The following HIKESHI variants were observed in gnomAD, a reference collection of about 807,000 sequenced individuals.
The protein encoded by HIKESHI is heat shock protein nuclear import factor hikeshi.
Under a neutral mutation model 25.7 loss-of-function variants are expected in HIKESHI, and 13 were observed. The ratio of observed to expected loss-of-function variants is 0.51; its 90% CI spans 0.33 to 0.80. The LOEUF (loss-of-function observed/expected upper bound fraction) is 0.80, where lower values mean the gene tolerates loss of function less well. HIKESHI is among the 30% of genes least tolerant of loss of function. The pLI, the probability that HIKESHI is intolerant of heterozygous loss-of-function variation, is 0.02. For missense variants in HIKESHI, 174 were observed against 229.5 expected (o/e 0.76, Z 1.56); for synonymous variants, 76 against 78.7 (o/e 0.97, Z 0.18).
At chr11:86,308,201 T>TAC (rs1201720163) in intron 2 of HIKESHI, among the ~76,000 whole-genome samples, 5 of 105,758 alleles carry the variant, frequency 4.7e-5, no homozygotes, top group South Asian at 3.0e-4. Flanking sequence ...AAATATATAT[T>TAC]ATATATAAAA....
At chr11:86,330,647 C>T (rs934494782) in intron 2 of HIKESHI, among the ~76,000 whole-genome samples, 1 of 152,184 alleles carries the variant, frequency 6.6e-6, no homozygotes, top group African/African-American at 2.4e-5. Context: ...CTACCTAAGT[C>T]TCCTCAGTGA....
chr11:86,336,643 T>C (rs1005359299), intron 2 of HIKESHI, among the ~76,000 whole-genome samples: 4 of 152,252 alleles, frequency 2.6e-5, no homozygotes, highest in Non-Finnish European at 5.9e-5. Flanking sequence ...TATGGTGTTT[T>C]GTTATAGCAG....
intron 2 of HIKESHI, among the ~76,000 whole-genome samples, chr11:86,317,673 G>A (rs563787521): frequency 3.2e-4 from 49 of 152,150 alleles, no homozygotes; most frequent in African/African-American, 1.1e-3. Context: ...TGGTGTGGTG[G>A]TGCGCGCCTG....
chr11:86,310,376 T>C (rs1284226039), intron 2 of HIKESHI, among the ~76,000 whole-genome samples: 1 of 152,180 alleles, frequency 6.6e-6, no homozygotes, highest in Non-Finnish European at 1.5e-5. Context: ...TTGTCTGTTA[T>C]TGGTGTGTAA....
At chr11:86,317,962 A>G (rs1335663894) in intron 2 of HIKESHI, among the ~76,000 whole-genome samples, 1 of 152,154 alleles carries the variant, frequency 6.6e-6, no homozygotes, top group Non-Finnish European at 1.5e-5. Context: ...GCTATTTTCT[A>G]GAAGAATATA....
At chr11:86,331,463 T>A (rs955698646) in intron 2 of HIKESHI, among the ~76,000 whole-genome samples, 3 of 152,184 alleles carry the variant, frequency 2.0e-5, no homozygotes, top group African/African-American at 7.2e-5. Flanking sequence ...CACTCCAGCC[T>A]GGACAACAAA....
chr11:86,308,371 GTGTATTA>G (rs1946737428), intron 2 of HIKESHI, among the ~76,000 whole-genome samples: 3 of 126,996 alleles, frequency 2.4e-5, no homozygotes, highest in African/African-American at 8.8e-5. Context: ...CATATAAAAT[GTGTATTA>G]TATATAAAAA....
chr11:86,321,125 A>C (rs1947136842), intron 2 of HIKESHI, among the ~76,000 whole-genome samples: 1 of 151,878 alleles, frequency 6.6e-6, no homozygotes, highest in African/African-American at 2.4e-5. Flanking sequence ...AGTAGAGACG[A>C]GGTTTCACCA....
At chr11:86,310,494 A>AATC (rs1470798831) in intron 2 of HIKESHI, among the ~76,000 whole-genome samples, 1 of 151,254 alleles carries the variant, frequency 6.6e-6, no homozygotes, top group Admixed American at 6.6e-5. Context: ...CTAAATACAC[A>AATC]ATGTCATCTG....
At chr11:86,314,704 T>C (rs1161532053) in intron 2 of HIKESHI, among the ~76,000 whole-genome samples, 3 of 152,182 alleles carry the variant, frequency 2.0e-5, no homozygotes, top group Non-Finnish European at 4.4e-5. Flanking sequence ...TGATAAATAC[T>C]AATCTCTAAT....
intron 2 of HIKESHI, among the ~76,000 whole-genome samples, chr11:86,311,194 C>A (rs1946824686): frequency 6.6e-6 from 1 of 152,054 alleles, no homozygotes; most frequent in Admixed American, 6.6e-5. Context: ...TGGTCCTGGA[C>A]TTTTTTTGCT....
intron 2 of HIKESHI, among the ~76,000 whole-genome samples, chr11:86,314,094 A>G (rs957358136): frequency 6.6e-6 from 1 of 152,224 alleles, no homozygotes; most frequent in Non-Finnish European, 1.5e-5. Flanking sequence ...TATGTGTACC[A>G]TAATGTAAAT....
chr11:86,312,894 C>T (rs1946870109), intron 2 of HIKESHI, among the ~76,000 whole-genome samples: 1 of 152,196 alleles, frequency 6.6e-6, no homozygotes, highest in African/African-American at 2.4e-5. Context: ...CCCCCACTCT[C>T]TTCTGGCCTG....
intron 2 of HIKESHI, among the ~76,000 whole-genome samples, chr11:86,334,519 C>T (rs1423190385): frequency 1.3e-5 from 2 of 152,032 alleles, no homozygotes; most frequent in Non-Finnish European, 2.9e-5. Context: ...AAGACTAGGT[C>T]ATATATTTTG....
chr11:86,334,236 ATGTGTG>A lies in HIKESHI; in HGVS notation c.269-3111_269-3106del, dbSNP rs60951435. The stretch of plus-strand genomic sequence containing the variant: ...TTCTTCTCAACATTCTTTGTAAAAT[ATGTGTG>A]TGTGTGTGTGTGTGTGTGTGTGTGT... On this transcript the variant is annotated intron_variant, in intron 2 of 4. Coordinates refer to ENST00000278483, the MANE Select transcript of HIKESHI (RefSeq NM_016401.4). Among the ~76,000 whole-genome samples the A allele has an allele frequency of 2.9e-3, 431 of 147,108 alleles. 1 individual carries two copies. Among genetic ancestry groups the A allele is most frequent in the African/African-American group, 7.9e-3 (319 of 40,390 alleles).
chr11:86,319,054 CT>C (rs1947074480), intron 2 of HIKESHI, among the ~76,000 whole-genome samples: 1 of 151,018 alleles, frequency 6.6e-6, no homozygotes, highest in Admixed American at 6.6e-5. Context: ...GTAGCTAGGA[CT>C]ACAGGTATGC....
At chr11:86,325,700 C>T (rs1947261760) in intron 2 of HIKESHI, among the ~76,000 whole-genome samples, 1 of 151,024 alleles carries the variant, frequency 6.6e-6, no homozygotes, top group South Asian at 2.1e-4. Flanking sequence ...GGTGAAACGC[C>T]ATCTCTACTA....
chr11:86,314,184 C>A (rs1443684019), intron 2 of HIKESHI, among the ~76,000 whole-genome samples: 7 of 152,064 alleles, frequency 4.6e-5, no homozygotes, highest in Admixed American at 6.6e-5. Flanking sequence ...TGTAGAGAAG[C>A]CAGTGAACAA....
At chr11:86,334,427 G>A (rs1208930845) in intron 2 of HIKESHI, among the ~76,000 whole-genome samples, 2 of 151,872 alleles carry the variant, frequency 1.3e-5, no homozygotes, top group African/African-American at 4.8e-5. Context: ...TTGAGAAAGA[G>A]TCTTAAAAAA....
Sources: gnomAD v4.1 joint callset for allele counts (sites outside exome capture counted in the v4.1 genomes callset) on GRCh38, gnomAD v4.1.1 for gene constraint, MANE v1.5 for transcripts, NCBI Gene and HGNC (gene_info 2026-07-23, HGNC 2026-07-21) for gene names.